The following TRHDE variants were observed in gnomAD, a reference collection of about 807,000 sequenced individuals.
TRHDE encodes the protein thyrotropin releasing hormone degrading enzyme, also known as thyrotropin-releasing hormone-degrading ectoenzyme.
Under a neutral mutation model 125.7 loss-of-function variants are expected in TRHDE, and 72 were observed. The observed-to-expected ratio is 0.57, with a 90% CI of 0.47 to 0.70. TRHDE has a LOEUF of 0.70. TRHDE is among the 30% of genes least tolerant of loss of function. The pLI is 0.00. For missense variants in TRHDE, 1,110 were observed against 1,327.1 expected, an observed-to-expected ratio of 0.84 and a Z score of 2.54; for synonymous variants, 509 against 509.1, an observed-to-expected ratio of 1.00 and a Z score of 0.00.
At chr12:72,300,365 TACACACACACAC>T (rs10642447) in intron 2 of TRHDE, among the ~76,000 whole-genome samples, 5 of 102,670 alleles carry the variant, frequency 4.9e-5, no homozygotes, top group African/African-American at 1.7e-4. Flanking sequence ...TATATGTGTA[TACACACACACAC>T]ACACACACAC....
At position 72,272,631 on chromosome 12, in the gene TRHDE, A is replaced by G; in HGVS notation, c.-13A>G. The G allele has an allele frequency of 1.1e-6, 1 of 940,420 alleles. No individual in the cohort carries two copies. The highest frequency in any genetic ancestry group is 1.5e-6 in the Non-Finnish European group (1 of 660,382). 58.3% of individuals were successfully genotyped at this position (940,420 alleles called of 1,614,324 possible). A position where few individuals can be genotyped will look rare whatever the true frequency, so the allele number is the denominator to read the frequency against. The stretch of plus-strand genomic sequence containing the variant: ...GTGCCAGAGGGGGCGGGGGAGGAGG[A>G]GGAGGCGGTGTGATGGCCCTGGACG... On this transcript the variant is annotated 5_prime_UTR_variant, in exon 1 of 19. Coordinates refer to ENST00000261180, the MANE Select transcript of TRHDE (RefSeq NM_013381.3). This position sits in a 1 kb window ranked among gnomAD's most constrained non-coding sequence, Gnocchi z 6.7.
At chr12:72,168,817 G>A (rs564670486) in intron 2 of TRHDE, among the ~76,000 whole-genome samples, 3 of 152,190 alleles carry the variant, frequency 2.0e-5, no homozygotes, top group African/African-American at 4.8e-5. Context: ...TAGTCCAAAT[G>A]TAGACAATGT....
intron 2 of TRHDE, among the ~76,000 whole-genome samples, chr12:72,370,180 T>C (rs190594699): frequency 2.4e-4 from 36 of 152,260 alleles, no homozygotes; most frequent in African/African-American, 8.2e-4. Context: ...TGTTTTTAAG[T>C]AAAAATGTGA....
intron 6 of TRHDE, among the ~76,000 whole-genome samples, chr12:72,504,887 A>G (rs1878297492): frequency 6.6e-6 from 1 of 152,180 alleles, no homozygotes; most frequent in African/African-American, 2.4e-5. Context: ...ACCTCTGCCA[A>G]CAGTCAACCC....
chr12:72,286,246 C>T (rs1266352913), intron 1 of TRHDE, among the ~76,000 whole-genome samples: 1 of 152,178 alleles, frequency 6.6e-6, no homozygotes, highest in Non-Finnish European at 1.5e-5. Flanking sequence ...AGAGATTTCC[C>T]AAGTGATGGT....
rs141555349 is a variant in TRHDE, at chr12:72,512,900, G to A, written c.1722+13265G>A. ...TAAACATATTTAGAATATAAGTAGT[G>A]TTTGTACATCTAACAATATTGAAGG... is the stretch of plus-strand genomic sequence containing the variant. On this transcript the variant is annotated intron_variant, in intron 6 of 18. Transcript: ENST00000261180. Among the ~76,000 whole-genome samples the A allele has an allele frequency of 8.6e-3, 1,305 of 151,936 alleles. 9 individuals are homozygous for A. Among genetic ancestry groups the A allele is most frequent in the Non-Finnish European group, 0.015 (989 of 67,896 alleles).
At chr12:72,275,179 T>C (rs143805061) in intron 1 of TRHDE, among the ~76,000 whole-genome samples, 18 of 152,338 alleles carry the variant, frequency 1.2e-4, no homozygotes, top group Middle Eastern at 3.4e-3. Context: ...ACTTTGGTTC[T>C]CTAATCCCTG....
intron 2 of TRHDE, among the ~76,000 whole-genome samples, chr12:72,374,292 AGTGTGTGTGTGTGTGTGTGT>A (rs148577049): frequency 3.0e-5 from 4 of 134,018 alleles, no homozygotes; most frequent in South Asian, 2.5e-4. Flanking sequence ...TAGAAGGAGA[AGTGTGTGTGTGTGTGTGTGT>A]GTGTGTGTGT....
rs114165233 is a variant in TRHDE, at chr12:72,544,900, G to A, written c.1788+2544G>A. ...CATTTTCAATTTTTTGTAATGTTTT[G>A]TATGGGAATATATTTTAAATTTCAA... On this transcript the variant is annotated intron_variant, in intron 7 of 18. Coordinates refer to ENST00000261180, the MANE Select transcript of TRHDE (RefSeq NM_013381.3). Among the ~76,000 whole-genome samples, 1,488 of 151,360 alleles carry A rather than the reference G, an allele frequency of 9.8e-3. 26 individuals carry two copies. Among genetic ancestry groups the A allele is most frequent in the African/African-American group, 0.034 (1,415 of 41,404 alleles).
intron 12 of TRHDE, among the ~76,000 whole-genome samples, chr12:72,599,724 G>T (rs113411110): frequency 4.1e-4 from 63 of 152,026 alleles, no homozygotes; most frequent in Admixed American, 3.9e-4. Context: ...GTTTAATAAG[G>T]TTTCACTTGT....
At chr12:72,092,865 C>T (rs1874824881) in intron 1 of TRHDE, among the ~76,000 whole-genome samples, 1 of 152,146 alleles carries the variant, frequency 6.6e-6, no homozygotes, top group Non-Finnish European at 1.5e-5. Flanking sequence ...TATCAGTTTC[C>T]AAACCTCAGA....
Position 72,175,356 on chromosome 12 carries a change from C to T in TRHDE, n.279+69604C>T, listed in dbSNP as rs111900448. Reference sequence around the variant, plus strand: ...CTTCCTTACCAGAACAAATTACTACCGTGGTGTTTGCAAAAGGGCCTCAAT... The same window carrying T: ...CTTCCTTACCAGAACAAATTACTACTGTGGTGTTTGCAAAAGGGCCTCAAT... On this transcript the variant is annotated intron_variant and non_coding_transcript_variant, in intron 2 of 4. Transcript: ENST00000548156. Among the ~76,000 whole-genome samples, 527 of 152,282 alleles carry T rather than the reference C, an allele frequency of 3.5e-3. 5 individuals carry two copies. Among genetic ancestry groups the T allele is most frequent in the African/African-American group, 0.011 (474 of 41,560 alleles).
At chr12:72,580,835 A>G (rs1871192129) in intron 12 of TRHDE, among the ~76,000 whole-genome samples, 2 of 152,180 alleles carry the variant, frequency 1.3e-5, no homozygotes, top group African/African-American at 4.8e-5. Context: ...TTTTCAGTGA[A>G]CTCACAATCT....
At chr12:72,187,477 CGTGGTGGTGGTG>C (rs1168433112) in intron 2 of TRHDE, among the ~76,000 whole-genome samples, 2 of 104,570 alleles carry the variant, frequency 1.9e-5, no homozygotes, top group African/African-American at 3.9e-5. Flanking sequence ...TGGTTGTGGT[CGTGGTGGTGGTG>C]GTGGTGGTGG....
chr12:72,480,363 T>C (rs1296218496), intron 5 of TRHDE, among the ~76,000 whole-genome samples: 2 of 151,990 alleles, frequency 1.3e-5, no homozygotes, highest in Non-Finnish European at 2.9e-5. Flanking sequence ...TTCTAACTGG[T>C]GTGAGATGGT....
In TRHDE at chr12:72,242,123, T is replaced by C. The variant is rs949948885; in HGVS notation, n.280-135872T>C. Among the ~76,000 whole-genome samples the C allele has an allele frequency of 3.3e-5, 5 of 152,354 alleles. No individual in the cohort carries two copies. The South Asian group carries it at 1.0e-3, about 32-fold the overall frequency. On this transcript the variant is annotated intron_variant and non_coding_transcript_variant, in intron 2 of 4. Coordinates refer to the TRHDE transcript ENST00000548156. Reference sequence around the variant, plus strand: ...CATCATTACATTTCAGTGTCTTTCATAGAACACATTTTTTAAAAAGATAAT... The same window carrying C: ...CATCATTACATTTCAGTGTCTTTCACAGAACACATTTTTTAAAAAGATAAT...
intron 6 of TRHDE, among the ~76,000 whole-genome samples, chr12:72,524,373 AG>A (rs1451573451): frequency 6.6e-6 from 1 of 152,156 alleles, no homozygotes; most frequent in African/African-American, 2.4e-5. Flanking sequence ...TCAACAGTGA[AG>A]ATTACAAAGT....
chr12:72,362,845 C>T (rs561756203), intron 2 of TRHDE, among the ~76,000 whole-genome samples: 1 of 152,094 alleles, frequency 6.6e-6, no homozygotes, highest in African/African-American at 2.4e-5. Context: ...GCTTGTTTTT[C>T]GCAGGTTTGT....
intron 1 of TRHDE, among the ~76,000 whole-genome samples, chr12:72,285,317 T>C (rs2139425901): frequency 6.6e-6 from 1 of 152,236 alleles, no homozygotes; most frequent in African/African-American, 2.4e-5. Context: ...TCACAGATGA[T>C]GGAGAGAGGA....
Sources: gnomAD v4.1 joint callset for allele counts (sites outside exome capture counted in the v4.1 genomes callset) on GRCh38, gnomAD v4.1.1 for gene constraint, Gnocchi (gnomAD v3.1) non-coding constraint, MANE v1.5 for transcripts, NCBI Gene and HGNC (gene_info 2026-07-23, HGNC 2026-07-21) for gene names.